GRIP1: variants seen among roughly 807,000 people sequenced by gnomAD.
The protein encoded by GRIP1 is glutamate receptor-interacting protein 1.
GRIP1 carries 45 observed loss-of-function variants against 129.9 expected under a neutral mutation model. The ratio of observed to expected loss-of-function variants is 0.35; its 90% confidence interval spans 0.27 to 0.44. GRIP1 has a LOEUF of 0.44. GRIP1 is among the 20% of genes least tolerant of loss of function. The pLI, the probability that GRIP1 is intolerant of heterozygous loss-of-function variation, is 1.00. For synonymous variants in GRIP1, 530 were observed against 520.8 expected (o/e 1.02, Z -0.24); for missense variants, 1,196 against 1,396.8 (o/e 0.86, Z 2.29).
intron 11 of GRIP1, among the ~76,000 whole-genome samples, chr12:66,450,610 A>G (rs2058765174): frequency 6.6e-6 from 1 of 151,836 alleles, no homozygotes; most frequent in African/African-American, 2.4e-5. Context: ...TATTGGTTTT[A>G]TAATTAGTTA....
intron 1 of GRIP1, among the ~76,000 whole-genome samples, chr12:66,918,354 T>C (rs2041160794): frequency 6.6e-6 from 1 of 152,182 alleles, no homozygotes; most frequent in South Asian, 2.1e-4. Flanking sequence ...ACTGATTGGA[T>C]GAAGCCCACC....
intron 1 of GRIP1, among the ~76,000 whole-genome samples, chr12:66,740,301 G>T (rs1016877531): frequency 2.0e-5 from 3 of 152,088 alleles, no homozygotes; most frequent in Non-Finnish European, 4.4e-5. Context: ...TCCTCAGCTG[G>T]ATCTGGCCAT....
chr12:67,065,316 GTGACAAAGTGAGACCC>G (rs2043606587), intron 1 of GRIP1: 1 of 152,114 alleles, frequency 6.6e-6, no homozygotes, highest in Non-Finnish European at 1.5e-5. Flanking sequence ...TCCAGACTGG[GTGACAAAGTGAGACCC>G]TGTCAAGAAA....
chr12:66,877,904 A>G (rs12296178), intron 1 of GRIP1, among the ~76,000 whole-genome samples: 3,753 of 152,194 alleles, frequency 0.025, 153 homozygotes, highest in African/African-American at 0.086. Flanking sequence ...AATTAAAATA[A>G]TTTGATCATT....
intron 1 of GRIP1, among the ~76,000 whole-genome samples, chr12:67,044,758 T>TA (rs1003823180): frequency 5.9e-5 from 9 of 152,036 alleles, no homozygotes; most frequent in Non-Finnish European, 8.8e-5. Context: ...TGTTCTACAT[T>TA]AAAAAAAATT....
At chr12:67,022,920 C>T (rs774386) in intron 1 of GRIP1, among the ~76,000 whole-genome samples, 137,825 of 152,144 alleles carry the variant, frequency 0.91, 63,378 homozygotes, top group Non-Finnish European at 0.98. Context: ...CTTATGTATG[C>T]TGAGCATCTT....
rs761527970 is a variant in GRIP1 at position 66,353,472 on chromosome 12, C to G, written c.3104G>C (p.Arg1035Pro). 3 of 1,612,966 alleles carry G rather than the reference C, an allele frequency of 1.9e-6. No individual in the cohort carries two copies. Among genetic ancestry groups the G allele is most frequent in the Non-Finnish European group, 2.5e-6 (3 of 1,179,050 alleles). Residue 1035 changes from arginine (R) to proline (P), a missense_variant, in exon 24 of 25, where the codon CGC (arginine) becomes CCC (proline). Transcript: ENST00000359742. ...ACCAAGATCTCCTGGCCCAGCTGGG[C>G]GAATATTTTTGACATACACTCCTTT... Reference protein sequence around the residue: ...LEKGVYVKNIRPAGPGDLGGL... With the variant: ...LEKGVYVKNIPPAGPGDLGGL...
At position 66,394,336 on chromosome 12, in the gene GRIP1, G is replaced by A. The variant is rs767685565; in HGVS notation, c.2001C>T (p.Ser667=). The change falls in exon 17 of 25, where the codon TCC becomes TCT. Residue 667 remains serine (S), a synonymous_variant. Coordinates refer to ENST00000359742, the MANE Select transcript of GRIP1 (RefSeq NM_001366722.1). ...GCTCCACGGTGTAAATAATTGCTCCGGAACTTTCTTGCTCATCTGTAATAA... is the reference window on the plus strand; with the variant it reads ...GCTCCACGGTGTAAATAATTGCTCCAGAACTTTCTTGCTCATCTGTAATAA... ...DEDNSDEQES[S]GAIIYTVELK... The A allele has an allele frequency of 1.9e-5, 30 of 1,613,882 alleles. No individual in the cohort carries two copies. The highest frequency in any genetic ancestry group is 7.7e-5 in the South Asian group (7 of 91,090).
chr12:66,683,545 T>C (rs1369481634), upstream of GRIP1, among the ~76,000 whole-genome samples: 3 of 152,202 alleles, frequency 2.0e-5, no homozygotes, highest in African/African-American at 7.2e-5. Context: ...TGATGCCCTT[T>C]AGGAAGTGTC....
At chr12:66,572,531 C>T (rs944671378) in intron 2 of GRIP1, among the ~76,000 whole-genome samples, 8 of 152,058 alleles carry the variant, frequency 5.3e-5, no homozygotes, top group Non-Finnish European at 1.2e-4. Context: ...CAGGTGAAAT[C>T]AGACAAAAGT....
At chr12:66,531,252 AATATATATATAT>A (rs71069009) in intron 4 of GRIP1, among the ~76,000 whole-genome samples, 21 of 19,444 alleles carry the variant, frequency 1.1e-3, no homozygotes, top group East Asian at 7.3e-3. Context: ...AAAAAAAAAA[AATATATATATAT>A]ATATATATAT....
intron 7 of GRIP1, among the ~76,000 whole-genome samples, chr12:66,501,563 G>A (rs892159473): frequency 1.3e-4 from 20 of 152,114 alleles, no homozygotes; most frequent in Non-Finnish European, 2.9e-4. Flanking sequence ...CTGACCTTGT[G>A]ATCAATAGAA....
rs745719642 is a variant in GRIP1 at position 66,379,285 on chromosome 12, G to A, written c.2616C>T (p.Ala872=). The change falls in exon 20 of 25, where the codon GCC becomes GCT. Residue 872 remains alanine (A), a synonymous_variant. Transcript: ENST00000359742. ...LSYEDWDRST[A]SGFAGAADSA... ...GCATTGGTTGAAAACCTTACCCACTGGCTGTGGACCGGTCCCAGTCTTCAT... is the reference window on the plus strand; with the variant it reads ...GCATTGGTTGAAAACCTTACCCACTAGCTGTGGACCGGTCCCAGTCTTCAT... 1.9e-6 allele frequency: 3 copies of A among 1,613,778 alleles called. No individual in the cohort carries two copies. The highest frequency in any genetic ancestry group is 1.7e-6 in the Non-Finnish European group (2 of 1,179,828).
intron 13 of GRIP1, among the ~76,000 whole-genome samples, chr12:66,441,872 C>A (rs971862387): frequency 6.6e-6 from 1 of 152,188 alleles, no homozygotes. Flanking sequence ...CACCCTCACA[C>A]CTCAGGAGCC....
intron 1 of GRIP1, among the ~76,000 whole-genome samples, chr12:66,927,989 A>G (rs1278838434): frequency 6.6e-6 from 1 of 152,232 alleles, no homozygotes; most frequent in Non-Finnish European, 1.5e-5. Flanking sequence ...TGCTGGCAGC[A>G]ATTATCTTGT....
At chr12:66,582,437 A>G (rs2063427195) in intron 2 of GRIP1, among the ~76,000 whole-genome samples, 1 of 149,574 alleles carries the variant, frequency 6.7e-6, no homozygotes, top group Non-Finnish European at 1.5e-5. Flanking sequence ...AATAAAGGGT[A>G]TTCAATTAAG....
chr12:66,715,539 A>ACAC (rs1329059739), intron 1 of GRIP1, among the ~76,000 whole-genome samples: 20 of 150,430 alleles, frequency 1.3e-4, no homozygotes, highest in African/African-American at 4.6e-4. Flanking sequence ...TCTAGATTAA[A>ACAC]CACTGTGGGC....
In GRIP1 at chr12:66,969,899, C is replaced by T. The variant is rs537238875; in HGVS notation, c.58+99151G>A. Among the ~76,000 whole-genome samples, 4 of 152,266 alleles carry T rather than the reference C, an allele frequency of 2.6e-5. No individual in the cohort carries two copies. The East Asian group carries it at 5.8e-4, about 22-fold the overall frequency. On this transcript the variant is annotated intron_variant, in intron 1 of 1. Transcript: ENST00000643019. ...TTTTCCTTTTGATCTTTTCTTAGCTCTTTCATCGCTCCACTTACATCACCC... is the reference window on the plus strand; with the variant it reads ...TTTTCCTTTTGATCTTTTCTTAGCTTTTTCATCGCTCCACTTACATCACCC...
chr12:67,043,959 C>A (rs771447305), intron 1 of GRIP1, among the ~76,000 whole-genome samples: 5 of 152,018 alleles, frequency 3.3e-5, no homozygotes, highest in Non-Finnish European at 1.5e-5. Flanking sequence ...AAAGGCATTT[C>A]TCAGCTGCTG....
Sources: allele counts gnomAD v4.1 joint callset (sites outside exome capture counted in the v4.1 genomes callset), GRCh38; gene constraint gnomAD v4.1.1; transcripts MANE v1.5; gene names NCBI Gene and HGNC (gene_info 2026-07-23, HGNC 2026-07-21).